The following TMOD2 variants were observed in gnomAD, a reference collection of about 807,000 sequenced individuals.
TMOD2 encodes the protein tropomodulin 2.
In TMOD2, 22 loss-of-function variants were observed where a neutral mutation model predicts 39.9. That is an observed-to-expected ratio of 0.55 (90% CI 0.39 to 0.79). The LOEUF is 0.79. Ranked by LOEUF, TMOD2 falls within the 30% of genes least tolerant of loss-of-function variation. The pLI is 0.00. For missense variants in TMOD2, 386 were observed against 413.3 expected (o/e 0.93, Z 0.57); for synonymous variants, 123 against 146.1 (o/e 0.84, Z 1.14).
intron 5 of TMOD2, among the ~76,000 whole-genome samples, chr15:51,780,242 C>T (rs1181534565): frequency 6.6e-6 from 1 of 152,162 alleles, no homozygotes; most frequent in Admixed American, 6.5e-5. Context: ...AAATTACTCT[C>T]CCAAAACATT....
chr15:51,767,625 A>G (rs1010547910), intron 2 of TMOD2, among the ~76,000 whole-genome samples: 4 of 124,194 alleles, frequency 3.2e-5, no homozygotes, highest in African/African-American at 1.2e-4. Flanking sequence ...ATAAAAAGTC[A>G]ATTACGGTTA....
At chr15:51,758,190 C>T in intron 1 of TMOD2, among the ~76,000 whole-genome samples, 1 of 152,032 alleles carries the variant, frequency 6.6e-6, no homozygotes, top group East Asian at 1.9e-4. Flanking sequence ...TTGAGATCCC[C>T]TGGTACATTG....
At chr15:51,753,990 T>A (rs1295335380) in intron 1 of TMOD2, among the ~76,000 whole-genome samples, 1 of 151,958 alleles carries the variant, frequency 6.6e-6, no homozygotes, top group East Asian at 1.9e-4. Context: ...CTGCAGTGAA[T>A]CTGTGGGGAA....
In TMOD2 at chr15:51,782,702, C is replaced by T; in HGVS notation, c.625-19C>T. 1 of 1,593,796 alleles carries T rather than the reference C, an allele frequency of 6.3e-7. No individual in the cohort carries two copies. Among genetic ancestry groups the T allele is most frequent in the East Asian group, 2.2e-5 (1 of 44,768 alleles). ...GCCATACAATGGTTCATCAACTAGC[C>T]ATGTCCTCTCTGTCTTAGAACATTC... On this transcript the variant is annotated intron_variant, in intron 6 of 9. Transcript: ENST00000249700.
intron 6 of TMOD2, among the ~76,000 whole-genome samples, chr15:51,781,695 G>A (rs117320492): frequency 0.026 from 3,984 of 152,282 alleles, 134 homozygotes; most frequent in Admixed American, 0.075. Flanking sequence ...AGATGAGAAA[G>A]CAGGAAGCCA....
chr15:51,772,596 G>A (rs1346351938), intron 3 of TMOD2, among the ~76,000 whole-genome samples: 1 of 152,188 alleles, frequency 6.6e-6, no homozygotes, highest in Non-Finnish European at 1.5e-5. Flanking sequence ...GGATGAAATG[G>A]GAGATGGTGG....
At chr15:51,752,839 C>T (rs1270928146) in intron 1 of TMOD2, 1 of 152,166 alleles carries the variant, frequency 6.6e-6, no homozygotes, top group African/African-American at 2.4e-5. Context: ...AACTGATTTT[C>T]TCGATCGACT....
chr15:51,790,044 C>A (rs2055999547), intron 7 of TMOD2, among the ~76,000 whole-genome samples: 1 of 152,124 alleles, frequency 6.6e-6, no homozygotes, highest in Admixed American at 6.6e-5. Flanking sequence ...ACACAAAAAA[C>A]TCTTCAAAAA....
At chr15:51,781,321 G>A (rs2055928218) in intron 6 of TMOD2, 147 bp downstream of exon 6, 1 of 666,112 alleles carries the variant, frequency 1.5e-6, no homozygotes, top group Non-Finnish European at 2.4e-6. Context: ...AAAAGAAGTG[G>A]GTTTTGGAAA....
At chr15:51,771,656 C>T (rs982631996) in intron 3 of TMOD2, among the ~76,000 whole-genome samples, 2 of 152,090 alleles carry the variant, frequency 1.3e-5, no homozygotes, top group Non-Finnish European at 2.9e-5. Context: ...CGGAGTGAGA[C>T]CCTGTCTTTA....
At chr15:51,778,643 CTTTTTTTTTTTTT>C (rs34790068) in intron 5 of TMOD2, among the ~76,000 whole-genome samples, 2 of 68,332 alleles carry the variant, frequency 2.9e-5, no homozygotes, top group African/African-American at 1.1e-4. Flanking sequence ...AAAATTACAG[CTTTTTTTTTTTTT>C]TTTTTTTTTT....
At chr15:51,755,007 G>T (rs944718551) in intron 1 of TMOD2, among the ~76,000 whole-genome samples, 2 of 152,156 alleles carry the variant, frequency 1.3e-5, no homozygotes, top group African/African-American at 4.8e-5. Context: ...TTACAGATTA[G>T]AATTCAAATT....
chr15:51,812,541 G>A lies in TMOD2; in HGVS notation c.*4087G>A, dbSNP rs1805121115. ...CCTAGGCACTACGAAGAAGACAGAG[G>A]AAGCATAAAAATTCTGGACTAATAT... is the stretch of plus-strand genomic sequence containing the variant. On this transcript the variant is annotated 3_prime_UTR_variant, in exon 10 of 10. Transcript: ENST00000249700. The A allele has an allele frequency of 6.6e-6, 1 of 152,214 alleles. No individual in the cohort carries two copies. Among genetic ancestry groups the A allele is most frequent in the South Asian group, 2.1e-4 (1 of 4,828 alleles). 9.4% of individuals were successfully genotyped at this position (152,214 alleles called of 1,614,324 possible). A position where few individuals can be genotyped will look rare whatever the true frequency, so the allele number is the denominator to read the frequency against.
Position 51,771,279 on chromosome 15 carries a change from C to T in TMOD2, c.284-2433C>T, listed in dbSNP as rs538887918. On this transcript the variant is annotated intron_variant, in intron 3 of 9. Coordinates refer to ENST00000249700, the MANE Select transcript of TMOD2 (RefSeq NM_014548.4). ...AGGGGCCCCAGAAGGACCAGTGAAC[C>T]ATCCAGGAGCAGCGGGAGGCTACTA... 5.0e-4 allele frequency among the ~76,000 whole-genome samples: 76 copies of T among 152,308 alleles called. 1 individual carries two copies. The highest frequency in any genetic ancestry group is 1.8e-3 in the African/African-American group (74 of 41,556).
At chr15:51,779,241 C>T (rs117653393) in intron 5 of TMOD2, among the ~76,000 whole-genome samples, 1,946 of 152,294 alleles carry the variant, frequency 0.013, 23 homozygotes, top group Non-Finnish European at 0.019. Context: ...CAAAGGGTAA[C>T]GTTCTGACAA....
intron 6 of TMOD2, 93 bp from the exon 7 acceptor site, chr15:51,782,628 C>A: frequency 1.0e-6 from 1 of 967,122 alleles, no homozygotes; most frequent in Admixed American, 2.0e-5. Flanking sequence ...TATTTATCTA[C>A]ACATACCTGG....
chr15:51,763,357 C>T (rs565081115), intron 1 of TMOD2, among the ~76,000 whole-genome samples: 9 of 152,324 alleles, frequency 5.9e-5, no homozygotes, highest in Admixed American at 6.5e-5. Context: ...CCTGTGCATA[C>T]ATTAAAAGGG....
At chr15:51,764,050 T>C (rs907058487) in intron 1 of TMOD2, among the ~76,000 whole-genome samples, 2 of 151,510 alleles carry the variant, frequency 1.3e-5, no homozygotes, top group African/African-American at 2.4e-5. Flanking sequence ...AGAATTTTTG[T>C]TTGTTTATTT....
At chr15:51,801,405 A>G (rs1463629352) in intron 8 of TMOD2, among the ~76,000 whole-genome samples, 1 of 152,124 alleles carries the variant, frequency 6.6e-6, no homozygotes, top group Non-Finnish European at 1.5e-5. Flanking sequence ...CTTGCATCCA[A>G]ATTGTGTTCA....
Sources: allele counts gnomAD v4.1 joint callset (sites outside exome capture counted in the v4.1 genomes callset), GRCh38; gene constraint gnomAD v4.1.1; transcripts MANE v1.5; gene names NCBI Gene and HGNC (gene_info 2026-07-23, HGNC 2026-07-21).